LRGUK: variants seen among roughly 807,000 people sequenced by gnomAD.
The protein encoded by LRGUK is leucine-rich repeat and guanylate kinase domain-containing protein.
LRGUK carries 65 observed loss-of-function variants against 76.0 expected under a neutral mutation model. The ratio of observed to expected loss-of-function variants is 0.85; its 90% CI spans 0.70 to 1.05. The LOEUF is 1.05. Among genes scored for constraint, LRGUK ranks in the 50% least tolerant of loss-of-function variants. The probability of loss-of-function intolerance (pLI) is 0.00; values close to 1 mark genes in which losing one functional copy is unlikely to be tolerated. For synonymous variants in LRGUK, 268 were observed against 265.6 expected, an observed-to-expected ratio of 1.01 and a Z score of -0.09; for missense variants, 758 against 732.8, an observed-to-expected ratio of 1.03 and a Z score of -0.40.
chr7:134,184,048 A>G (rs1398551838), intron 11 of LRGUK, among the ~76,000 whole-genome samples, 195 bp downstream of exon 11: 2 of 152,222 alleles, frequency 1.3e-5, no homozygotes, highest in African/African-American at 4.8e-5. Context: ...TTGAATGTTC[A>G]ATAGATATTA....
downstream of LRGUK, among the ~76,000 whole-genome samples, chr7:134,214,289 A>C (rs1043144280): frequency 9.2e-5 from 14 of 152,180 alleles, no homozygotes; most frequent in African/African-American, 3.1e-4. Context: ...GCTGTGGGTA[A>C]ATGCACTTTC....
intron 15 of LRGUK, among the ~76,000 whole-genome samples, chr7:134,203,230 GTTGTGT>G (rs1800861371): frequency 2.0e-5 from 3 of 152,192 alleles, no homozygotes; most frequent in South Asian, 4.1e-4. Context: ...GATAGTCAAT[GTTGTGT>G]TATGTGTATT....
In LRGUK at chr7:134,258,256, G is replaced by C; in HGVS notation, c.2199-1G>C. 1 of 1,613,560 alleles carries C rather than the reference G, an allele frequency of 6.2e-7. No individual in the cohort carries two copies. Among genetic ancestry groups the C allele is most frequent in the Non-Finnish European group, 8.5e-7 (1 of 1,179,766 alleles). ...AGATCTTTGGTTTTTCATTTTTTCA[G>C]TGGGAAGGATTCCTTGGTTTCCATG... On this transcript the variant is annotated splice_acceptor_variant, in intron 18 of 19. Coordinates refer to the LRGUK transcript ENST00000285928. LOFTEE classifies it high-confidence loss of function.
chr7:134,201,964 G>T (rs1047249196), intron 15 of LRGUK, among the ~76,000 whole-genome samples: 20 of 152,018 alleles, frequency 1.3e-4, no homozygotes, highest in African/African-American at 4.8e-4. Context: ...CCTTTTCTTT[G>T]CGTTACCCGA....
chr7:134,230,459 C>A (rs192935068), intron 16 of LRGUK, among the ~76,000 whole-genome samples: 24 of 152,264 alleles, frequency 1.6e-4, no homozygotes, highest in African/African-American at 5.5e-4. Flanking sequence ...CATGCAGATA[C>A]CCTACACCTC....
chr7:134,207,194 C>A (rs2117112450), intron 15 of LRGUK, among the ~76,000 whole-genome samples: 1 of 152,276 alleles, frequency 6.6e-6, no homozygotes, highest in African/African-American at 2.4e-5. Context: ...GCCGTTTTAA[C>A]CATTGTAAGT....
At chr7:134,245,421 T>C (rs1008484890) in intron 16 of LRGUK, among the ~76,000 whole-genome samples, 2 of 152,132 alleles carry the variant, frequency 1.3e-5, no homozygotes, top group African/African-American at 2.4e-5. Context: ...AACACTCACA[T>C]CATGCAGGTG....
At chr7:134,161,688 C>CTTTTTTTTTTTT (rs57550981) in intron 6 of LRGUK, among the ~76,000 whole-genome samples, 1 of 105,460 alleles carries the variant, frequency 9.5e-6, no homozygotes. Context: ...TATTGTTATT[C>CTTTTTTTTTTTT]TTTTTTTTTT....
At chr7:134,228,389 CATAGAT>C (rs1225331435) in intron 16 of LRGUK, among the ~76,000 whole-genome samples, 1 of 151,900 alleles carries the variant, frequency 6.6e-6, no homozygotes, top group African/African-American at 2.4e-5. Flanking sequence ...TAGAGAGTGT[CATAGAT>C]AGAGAAAAAA....
chr7:134,153,954 C>G (rs945373540), intron 5 of LRGUK, among the ~76,000 whole-genome samples: 8 of 152,168 alleles, frequency 5.3e-5, no homozygotes, highest in African/African-American at 1.9e-4. Context: ...AGAGCAAATA[C>G]TGAACTAGTG....
rs376916580 is a variant in LRGUK, at chr7:134,177,076, G to A, written c.1107+13G>A. The A allele has an allele frequency of 5.3e-6, 8 of 1,521,404 alleles. No individual in the cohort carries two copies. The highest frequency in any genetic ancestry group is 6.3e-6 in the Non-Finnish European group (7 of 1,102,764). 94.2% of individuals were successfully genotyped at this position (1,521,404 alleles called of 1,614,324 possible). A position where few individuals can be genotyped will look rare whatever the true frequency, so the allele number is the denominator to read the frequency against. On this transcript the variant is annotated intron_variant, in intron 9 of 15. Coordinates refer to ENST00000645682, the Ensembl canonical transcript of LRGUK. ...AGTGGAAGAAAAGGTATGTAATCATGTCATAACATTACCATTGTGTTATTG... is the reference window on the plus strand; with the variant it reads ...AGTGGAAGAAAAGGTATGTAATCATATCATAACATTACCATTGTGTTATTG...
At chr7:134,235,372 ACTCTT>A (rs1801989143) in intron 16 of LRGUK, among the ~76,000 whole-genome samples, 1 of 152,100 alleles carries the variant, frequency 6.6e-6, no homozygotes, top group South Asian at 2.1e-4. Context: ...TTTCTGGAAC[ACTCTT>A]TCCCCAGATA....
rs748519372 is a variant in LRGUK at position 134,163,382 on chromosome 7, T to G, written c.796-15T>G. On this transcript the variant is annotated splice_polypyrimidine_tract_variant and intron_variant, in intron 6 of 15. Transcript: ENST00000645682. ...GAGGTCTTTGAGACATTAAATATAT[T>G]TTTTTCTGTTTTAGAGCAATAACCA... 6.3e-7 allele frequency: 1 copy of G among 1,596,554 alleles called. No homozygotes were observed. Among genetic ancestry groups the G allele is most frequent in the Non-Finnish European group, 8.5e-7 (1 of 1,171,318 alleles).
chr7:134,129,295 C>CTCTT (rs1379418595), intron 1 of LRGUK, among the ~76,000 whole-genome samples: 2 of 128,836 alleles, frequency 1.6e-5, no homozygotes, highest in Non-Finnish European at 3.3e-5. Flanking sequence ...CACTCTGTCT[C>CTCTT]TCTTTCTTTC....
At chr7:134,235,985 T>C (rs1228537849) in intron 16 of LRGUK, among the ~76,000 whole-genome samples, 2 of 152,240 alleles carry the variant, frequency 1.3e-5, no homozygotes, top group Non-Finnish European at 2.9e-5. Flanking sequence ...ATCACATTTT[T>C]AGTAAGATAT....
At chr7:134,230,725 AAAG>A (rs1026307912) in intron 16 of LRGUK, among the ~76,000 whole-genome samples, 26 of 152,250 alleles carry the variant, frequency 1.7e-4, no homozygotes, top group African/African-American at 6.3e-4. Context: ...TTCTAACTAA[AAAG>A]AATACGCGCT....
At chr7:134,232,935 T>G (rs1248325421) in intron 16 of LRGUK, among the ~76,000 whole-genome samples, 1 of 152,214 alleles carries the variant, frequency 6.6e-6, no homozygotes, top group African/African-American at 2.4e-5. Context: ...AAGAGAATCT[T>G]AGAGAACTGT....
chr7:134,232,284 A>T (rs576900540), intron 16 of LRGUK, among the ~76,000 whole-genome samples: 47 of 145,936 alleles, frequency 3.2e-4, no homozygotes, highest in African/African-American at 7.5e-4. Context: ...TTTTTAATTT[A>T]TTTTTTTTTT....
chr7:134,208,819 A>C (rs1046783378), exon 16 of LRGUK: 2 of 399,034 alleles, frequency 5.0e-6, no homozygotes, highest in Non-Finnish European at 8.8e-6. Context: ...ATCTCTCTGG[A>C]ATGCAAATTC....
Sources: gnomAD v4.1 joint callset for allele counts (sites outside exome capture counted in the v4.1 genomes callset) on GRCh38, gnomAD v4.1.1 for gene constraint, MANE v1.5 for transcripts, NCBI Gene and HGNC (gene_info 2026-07-23, HGNC 2026-07-21) for gene names.